AFF3: variants seen among roughly 807,000 people sequenced by gnomAD.
The protein encoded by AFF3 is AF4/FMR2 family member 3.
Under a neutral mutation model 129.7 loss-of-function variants are expected in AFF3, and 32 were observed. The observed-to-expected ratio is 0.25, with a 90% confidence interval of 0.19 to 0.33. AFF3 has a LOEUF of 0.33. Ranked by LOEUF, AFF3 falls within the 10% of genes least tolerant of loss-of-function variation. The probability of loss-of-function intolerance (pLI) is 1.00; values close to 1 mark genes in which losing one functional copy is unlikely to be tolerated. For missense variants in AFF3, 1,373 were observed against 1,592.0 expected, an observed-to-expected ratio of 0.86 and a Z score of 2.34; for synonymous variants, 644 against 635.4, an observed-to-expected ratio of 1.01 and a Z score of -0.20.
chr2:100,046,373 T>C (rs1685836156), intron 4 of AFF3, among the ~76,000 whole-genome samples: 1 of 152,172 alleles, frequency 6.6e-6, no homozygotes. Flanking sequence ...AAACCATTAA[T>C]CTACGATGCC....
rs148596834 is a variant in AFF3, at chr2:99,818,491, T to G, written c.921+18986A>C. Among the ~76,000 whole-genome samples, 463 of 152,312 alleles carry G rather than the reference T, an allele frequency of 3.0e-3. 5 individuals are homozygous for G. Among genetic ancestry groups the G allele is most frequent in the African/African-American group, 0.011 (448 of 41,576 alleles). On this transcript the variant is annotated intron_variant, in intron 8 of 24. Transcript: ENST00000672756. ...CTGTGTCTTTGTTTAAACGTCTATGTAAAGTCTGGAGATTTTCTGAGCCTA... is the reference window on the plus strand; with the variant it reads ...CTGTGTCTTTGTTTAAACGTCTATGGAAAGTCTGGAGATTTTCTGAGCCTA...
chr2:99,733,351 G>A (rs1202728658), intron 10 of AFF3, among the ~76,000 whole-genome samples: 3 of 145,722 alleles, frequency 2.1e-5, no homozygotes, highest in Non-Finnish European at 4.5e-5. Flanking sequence ...CTGCACTCCA[G>A]CCTGGGCGAC....
chr2:99,570,323 T>G (rs191389091), intron 18 of AFF3, among the ~76,000 whole-genome samples: 5 of 152,342 alleles, frequency 3.3e-5, no homozygotes, highest in Admixed American at 2.0e-4. Flanking sequence ...GTTCCAACTC[T>G]GGCAATTGAT....
chr2:99,875,294 G>T (rs1692200725), intron 7 of AFF3, among the ~76,000 whole-genome samples: 1 of 152,000 alleles, frequency 6.6e-6, no homozygotes, highest in South Asian at 2.1e-4. Flanking sequence ...CACTCTCCAG[G>T]CTCTCCTCCT....
At chr2:100,118,624 AT>A (rs376294854) in intron 2 of AFF3, among the ~76,000 whole-genome samples, 33 of 149,848 alleles carry the variant, frequency 2.2e-4, no homozygotes, top group East Asian at 9.8e-4. Flanking sequence ...TAATGATGGG[AT>A]TTTTTTTTTC....
At chr2:100,022,454 C>T (rs142338882) in intron 4 of AFF3, among the ~76,000 whole-genome samples, 349 of 152,224 alleles carry the variant, frequency 2.3e-3, no homozygotes, top group African/African-American at 7.6e-3. Flanking sequence ...TCTATCCCCC[C>T]GGCTGGAGTG....
chr2:99,950,513 G>A (rs1406041351), intron 7 of AFF3, among the ~76,000 whole-genome samples: 3 of 152,128 alleles, frequency 2.0e-5, no homozygotes, highest in Middle Eastern at 3.2e-3. Context: ...TTTCCTGCAT[G>A]AATGATCACA....
chr2:99,957,584 C>T (rs1436429798), intron 7 of AFF3, among the ~76,000 whole-genome samples: 1 of 152,192 alleles, frequency 6.6e-6, no homozygotes, highest in East Asian at 1.9e-4. Flanking sequence ...CGAGGCAGCA[C>T]AGTCTCCAAA....
intron 4 of AFF3, among the ~76,000 whole-genome samples, chr2:100,086,710 T>C (rs942137369): frequency 1.3e-5 from 2 of 152,222 alleles, no homozygotes; most frequent in African/African-American, 4.8e-5. Context: ...AAGATGTTTC[T>C]AGCTGGCCTT....
rs1391300641 is a variant in AFF3 at position 99,727,086 on chromosome 2, G to A, written c.1082C>T (p.Ser361Leu). 2.5e-6 allele frequency: 4 copies of A among 1,605,344 alleles called. No homozygotes were observed. Among genetic ancestry groups the A allele is most frequent in the Non-Finnish European group, 2.5e-6 (3 of 1,177,788 alleles). Residue 361 changes from serine (S) to leucine (L), a missense_variant, in exon 11 of 25, where the codon TCG (serine) becomes TTG (leucine). Transcript: ENST00000672756. ...AATGAAAGAAACTTACGATGTATTC[G>A]ATGTGCCATTGTCTGGACTCTCTGG... ...AEPESPDNGT[S>L]NTSMLEDDLK...
At chr2:99,705,452 T>C (rs1334391560) in intron 11 of AFF3, among the ~76,000 whole-genome samples, 1 of 151,942 alleles carries the variant, frequency 6.6e-6, no homozygotes, top group Non-Finnish European at 1.5e-5. Context: ...CATTTCTTCC[T>C]GAAATGGGAG....
chr2:99,976,758 T>C (rs1347695706), intron 7 of AFF3, among the ~76,000 whole-genome samples: 2 of 151,956 alleles, frequency 1.3e-5, no homozygotes, highest in Non-Finnish European at 2.9e-5. Flanking sequence ...GAACTTCAGA[T>C]TGGACATTTT....
chr2:100,002,541 T>TAGAAACC (rs1681519423), intron 7 of AFF3, among the ~76,000 whole-genome samples: 3 of 152,194 alleles, frequency 2.0e-5, no homozygotes, highest in Non-Finnish European at 4.4e-5. Context: ...CATAAATGGT[T>TAGAAACC]TCTCTGTTCT....
At chr2:99,731,279 G>A (rs1172977337) in intron 10 of AFF3, among the ~76,000 whole-genome samples, 2 of 152,128 alleles carry the variant, frequency 1.3e-5, no homozygotes, top group African/African-American at 4.8e-5. Flanking sequence ...ATTTCTAGAT[G>A]TACCAACTTT....
intron 17 of AFF3, among the ~76,000 whole-genome samples, chr2:99,578,731 A>C (rs891396102): frequency 1.3e-5 from 2 of 152,238 alleles, no homozygotes; most frequent in Admixed American, 6.5e-5. Flanking sequence ...GGTGAGGTTC[A>C]GCAAGTTGCC....
At chr2:99,789,471 G>A (rs1047145407) in intron 8 of AFF3, among the ~76,000 whole-genome samples, 5 of 79,406 alleles carry the variant, frequency 6.3e-5, no homozygotes, top group African/African-American at 9.6e-5. Flanking sequence ...AAAAAAAAAA[G>A]TAGTTGAGGA....
At chr2:99,707,524 G>C in intron 11 of AFF3, 5 of 985,098 alleles carry the variant, frequency 5.1e-6, no homozygotes, top group Non-Finnish European at 6.0e-6. Context: ...ACTGAAGTTA[G>C]GTAGCCTTCT....
At chr2:99,994,627 G>A (rs1197605720) in intron 7 of AFF3, among the ~76,000 whole-genome samples, 1 of 152,174 alleles carries the variant, frequency 6.6e-6, no homozygotes, top group Non-Finnish European at 1.5e-5. Context: ...GGGCCTTGAA[G>A]GAATAATCTG....
At chr2:99,735,708 G>A (rs976997160) in intron 10 of AFF3, among the ~76,000 whole-genome samples, 1 of 152,142 alleles carries the variant, frequency 6.6e-6, no homozygotes, top group Non-Finnish European at 1.5e-5. Flanking sequence ...GGCCAGACTG[G>A]TCTCGAATTC....
Sources: allele counts gnomAD v4.1 joint callset (sites outside exome capture counted in the v4.1 genomes callset), GRCh38; gene constraint gnomAD v4.1.1; transcripts MANE v1.5; gene names NCBI Gene and HGNC (gene_info 2026-07-23, HGNC 2026-07-21).